MACROD2: variants seen among roughly 807,000 people sequenced by gnomAD.
MACROD2 encodes the protein mono-ADP ribosylhydrolase 2.
Under a neutral mutation model 70.4 loss-of-function variants are expected in MACROD2, and 36 were observed. The ratio of observed to expected loss-of-function variants is 0.51; its 90% CI spans 0.39 to 0.68. MACROD2 has a LOEUF of 0.68. Ranked by LOEUF, MACROD2 falls within the 30% of genes least tolerant of loss-of-function variation. MACROD2 has a pLI of 0.00. For missense variants in MACROD2, 496 were observed against 538.4 expected (o/e 0.92, Z 0.78); for synonymous variants, 172 against 178.8 (o/e 0.96, Z 0.30).
intron 5 of MACROD2, among the ~76,000 whole-genome samples, chr20:15,010,993 A>T (rs538705766): frequency 1.3e-5 from 2 of 152,318 alleles, no homozygotes; most frequent in Middle Eastern, 3.4e-3. Context: ...TGAGGACTGC[A>T]ACTACCAAAT....
At chr20:14,518,811 A>G (rs1381160177) in intron 4 of MACROD2, among the ~76,000 whole-genome samples, 1 of 152,206 alleles carries the variant, frequency 6.6e-6, no homozygotes, top group Non-Finnish European at 1.5e-5. Context: ...TATAATTCAC[A>G]TGAAATTATG....
intron 8 of MACROD2, among the ~76,000 whole-genome samples, chr20:15,818,669 C>T (rs34754063): frequency 0.5 from 76,597 of 151,820 alleles, 20,399 homozygotes; most frequent in African/African-American, 0.7. Context: ...TGCAGCCCAG[C>T]AGGTCTCAGC....
intron 2 of MACROD2, among the ~76,000 whole-genome samples, chr20:14,070,832 G>A (rs973367662): frequency 6.6e-6 from 1 of 152,132 alleles, no homozygotes; most frequent in Non-Finnish European, 1.5e-5. Context: ...AGTATTCCCA[G>A]GCATTTTGTG....
At chr20:15,848,843 T>C (rs1487781218) in intron 8 of MACROD2, among the ~76,000 whole-genome samples, 1 of 152,180 alleles carries the variant, frequency 6.6e-6, no homozygotes, top group Non-Finnish European at 1.5e-5. Flanking sequence ...TGGAGAGATA[T>C]GACAGACCTT....
Position 14,725,503 on chromosome 20 carries a change from A to G in MACROD2, c.418+40544A>G, listed in dbSNP as rs1362881073. On this transcript the variant is annotated intron_variant, in intron 5 of 17. Transcript: ENST00000684519. ...AAGAAAAATAGAATATGAAGCCCTT[A>G]GCATGCTCATATATAGTAGCTTCTC... Among the ~76,000 whole-genome samples the G allele has an allele frequency of 3.3e-5, 5 of 152,170 alleles. No individual in the cohort carries two copies. In the South Asian group the frequency reaches 1.0e-3, roughly 32 times the overall value.
At chr20:15,288,263 C>G (rs2077509593) in intron 6 of MACROD2, among the ~76,000 whole-genome samples, 1 of 152,188 alleles carries the variant, frequency 6.6e-6, no homozygotes, top group Non-Finnish European at 1.5e-5. Context: ...CTCTCCATGC[C>G]TCTGCTTTGC....
At chr20:14,392,110 A>G (rs984337017) in intron 3 of MACROD2, among the ~76,000 whole-genome samples, 1 of 151,698 alleles carries the variant, frequency 6.6e-6, no homozygotes, top group Non-Finnish European at 1.5e-5. Context: ...ATACATTTTT[A>G]TATTTCATCA....
chr20:15,842,184 A>G (rs2064178449), intron 8 of MACROD2, among the ~76,000 whole-genome samples: 1 of 152,080 alleles, frequency 6.6e-6, no homozygotes, highest in Admixed American at 6.6e-5. Flanking sequence ...AGTATTAAGG[A>G]CCACCTACTG....
intron 6 of MACROD2, among the ~76,000 whole-genome samples, chr20:15,415,946 C>T (rs1335117423): frequency 1.3e-5 from 2 of 152,202 alleles, no homozygotes; most frequent in African/African-American, 2.4e-5. Context: ...TTATGGTTTG[C>T]TCATCTCCCA....
At chr20:15,640,031 GA>G (rs1189948504) in intron 8 of MACROD2, among the ~76,000 whole-genome samples, 4 of 150,012 alleles carry the variant, frequency 2.7e-5, no homozygotes, top group African/African-American at 9.9e-5. Flanking sequence ...GAAGGAGAGA[GA>G]AAAGGGGTGA....
intron 5 of MACROD2, among the ~76,000 whole-genome samples, chr20:14,836,482 G>A (rs2122254043): frequency 6.6e-6 from 1 of 152,152 alleles, no homozygotes; most frequent in East Asian, 1.9e-4. Flanking sequence ...CCACACAGAA[G>A]CCCCAAAGAG....
At chr20:15,673,022 C>T (rs139154408) in intron 8 of MACROD2, among the ~76,000 whole-genome samples, 143 of 152,232 alleles carry the variant, frequency 9.4e-4, no homozygotes, top group African/African-American at 3.2e-3. Context: ...GATTGTGAGG[C>T]CTCCCCAGCC....
chr20:15,470,972 A>G (rs1349347455), intron 7 of MACROD2, among the ~76,000 whole-genome samples: 4 of 151,788 alleles, frequency 2.6e-5, no homozygotes, highest in African/African-American at 4.8e-5. Context: ...ACTCATCTCT[A>G]TTCTTGGGCT....
chr20:16,045,549 G>A (rs1663563454), intron 17 of MACROD2, among the ~76,000 whole-genome samples: 2 of 152,114 alleles, frequency 1.3e-5, no homozygotes, highest in African/African-American at 4.8e-5. Flanking sequence ...TTGAGATCAA[G>A]AGGTGACAGA....
intron 8 of MACROD2, among the ~76,000 whole-genome samples, chr20:15,531,532 A>G (rs2047801660): frequency 1.3e-5 from 2 of 152,182 alleles, no homozygotes; most frequent in African/African-American, 2.4e-5. Context: ...GTACTGAAAT[A>G]GAATAAAAAC....
At chr20:15,189,813 G>A (rs1400105782) in intron 5 of MACROD2, among the ~76,000 whole-genome samples, 1 of 152,128 alleles carries the variant, frequency 6.6e-6, no homozygotes, top group African/African-American at 2.4e-5. Context: ...GGGGACCTGA[G>A]ATCATTACAG....
Position 14,241,468 on chromosome 20 carries a change from A to G in MACROD2, c.271+155740A>G, listed in dbSNP as rs529328252. Among the ~76,000 whole-genome samples, 156 of 152,284 alleles carry G rather than the reference A, an allele frequency of 1.0e-3. 1 individual carries two copies. The highest frequency in any genetic ancestry group is 1.4e-3 in the Non-Finnish European group (97 of 68,022). On this transcript the variant is annotated intron_variant, in intron 3 of 17. Transcript: ENST00000684519. The stretch of plus-strand genomic sequence containing the variant: ...TTCAATGGACCGTAAACATAGGCAC[A>G]TAACAGACATGGAAACACGTACATT...
intron 6 of MACROD2, among the ~76,000 whole-genome samples, chr20:15,281,056 G>A (rs1428965270): frequency 6.6e-6 from 1 of 152,228 alleles, no homozygotes; most frequent in Non-Finnish European, 1.5e-5. Flanking sequence ...GTGAGTGCAA[G>A]CAAGAGAAAC....
rs1050735020 is a variant in MACROD2, at chr20:15,523,236, A to G, written c.645+23389A>G. Among the ~76,000 whole-genome samples the G allele has an allele frequency of 1.2e-3, 185 of 152,352 alleles. 1 individual carries two copies. The highest frequency in any genetic ancestry group is 4.2e-3 in the African/African-American group (174 of 41,590). On this transcript the variant is annotated intron_variant, in intron 8 of 17. Coordinates refer to ENST00000684519, the MANE Select transcript of MACROD2 (RefSeq NM_001351661.2). ...AAAAGAAAGATTTTTTGCTGAGGGAAGGACGTTGCTGTATGTTTCATCACT... is the reference window on the plus strand; with the variant it reads ...AAAAGAAAGATTTTTTGCTGAGGGAGGGACGTTGCTGTATGTTTCATCACT...
Sources: allele counts gnomAD v4.1 joint callset (sites outside exome capture counted in the v4.1 genomes callset), GRCh38; gene constraint gnomAD v4.1.1; transcripts MANE v1.5; gene names NCBI Gene and HGNC (gene_info 2026-07-23, HGNC 2026-07-21).